DENND5B: variants seen among roughly 807,000 people sequenced by gnomAD.
DENND5B encodes DENN domain-containing protein 5B.
In DENND5B, 34 loss-of-function variants were observed where a neutral mutation model predicts 140.6. The observed-to-expected ratio is 0.24, with a 90% CI of 0.18 to 0.32. DENND5B has a LOEUF of 0.32. Among genes scored for constraint, DENND5B ranks in the 10% least tolerant of loss-of-function variants. The pLI is 1.00. For synonymous variants in DENND5B, 551 were observed against 562.1 expected, an observed-to-expected ratio of 0.98 and a Z score of 0.28; for missense variants, 1,142 against 1,560.2, an observed-to-expected ratio of 0.73 and a Z score of 4.52.
intron 8 of DENND5B, among the ~76,000 whole-genome samples, chr12:31,429,686 G>A (rs1253205500): frequency 6.6e-6 from 1 of 152,016 alleles, no homozygotes; most frequent in East Asian, 1.9e-4. Flanking sequence ...TGGGATTACA[G>A]GTGTAAGCCA....
chr12:31,478,022 T>C (rs929772836), intron 3 of DENND5B: 1 of 165,902 alleles, frequency 6.0e-6, no homozygotes, highest in African/African-American at 2.4e-5. Context: ...AATGGATTTT[T>C]TTTTTATCTA....
chr12:31,394,676 C>A (rs1210923124), intron 17 of DENND5B, among the ~76,000 whole-genome samples: 1 of 148,732 alleles, frequency 6.7e-6, no homozygotes, highest in Non-Finnish European at 1.5e-5. Flanking sequence ...TGCAGTGGAG[C>A]GATCTCAGGT....
At chr12:31,577,989 G>T (rs1445159560) in intron 1 of DENND5B, among the ~76,000 whole-genome samples, 2 of 151,934 alleles carry the variant, frequency 1.3e-5, no homozygotes, top group African/African-American at 4.8e-5. Flanking sequence ...GCCAGGCGTG[G>T]TAGCACACAC....
chr12:31,578,126 CAAAAAAAAA>C (rs5797421), intron 1 of DENND5B, among the ~76,000 whole-genome samples: 1 of 77,354 alleles, frequency 1.3e-5, no homozygotes, highest in Admixed American at 1.7e-4. Context: ...GACGCTGTCT[CAAAAAAAAA>C]AAAAAAAAAA....
chr12:31,435,548 G>A (rs567221686), intron 7 of DENND5B, among the ~76,000 whole-genome samples: 2 of 152,150 alleles, frequency 1.3e-5, no homozygotes, highest in African/African-American at 4.8e-5. Context: ...TCACACCTCT[G>A]ATGTAAAAAT....
rs926443689 is a variant in DENND5B, at chr12:31,541,093, A to G, written c.128-45174T>C. 2.1e-4 allele frequency: 92 copies of G among 432,710 alleles called. 1 individual carries two copies. Among genetic ancestry groups the G allele is most frequent in the African/African-American group, 1.8e-3 (87 of 48,292 alleles). The allele number at this position is 432,710 out of a possible 1,614,324, so 26.8% of individuals were successfully genotyped here. On this transcript the variant is annotated intron_variant, in intron 1 of 20. Coordinates refer to ENST00000389082, the MANE Select transcript of DENND5B (RefSeq NM_144973.4). ...TAAAAACTTAAATTTAAGACCTCAAACTATGAAACTACTAAAAGAAAACAT... is the reference window on the plus strand; with the variant it reads ...TAAAAACTTAAATTTAAGACCTCAAGCTATGAAACTACTAAAAGAAAACAT...
intron 3 of DENND5B, among the ~76,000 whole-genome samples, chr12:31,475,851 C>T (rs1945782240): frequency 1.3e-5 from 2 of 152,096 alleles, no homozygotes; most frequent in South Asian, 2.1e-4. Flanking sequence ...GGGCCGGGTG[C>T]GGTGGCTTAC....
intron 2 of DENND5B, among the ~76,000 whole-genome samples, chr12:31,494,358 CACA>C (rs1164394988): frequency 1.3e-5 from 2 of 151,954 alleles, no homozygotes; most frequent in Admixed American, 6.6e-5. Context: ...CTTATAGATG[CACA>C]ACATCATGCA....
At chr12:31,466,490 C>T (rs1018694512) in intron 3 of DENND5B, among the ~76,000 whole-genome samples, 3 of 151,940 alleles carry the variant, frequency 2.0e-5, no homozygotes, top group South Asian at 2.1e-4. Flanking sequence ...GTTAGGAGTT[C>T]GAGACCAGCC....
Position 31,591,011 on chromosome 12 carries a change from G to T in DENND5B, c.-179C>A. The T allele has an allele frequency of 1.6e-6, 1 of 618,880 alleles. No homozygotes were observed. Among genetic ancestry groups the T allele is most frequent in the Non-Finnish European group, 2.0e-6 (1 of 492,244 alleles). 38.3% of individuals were successfully genotyped at this position (618,880 alleles called of 1,614,324 possible). A position where few individuals can be genotyped will look rare whatever the true frequency, so the allele number is the denominator to read the frequency against. On this transcript the variant is annotated 5_prime_UTR_variant, in exon 1 of 21. Transcript: ENST00000389082. ...TGCCTCCTCGCTCGGCGCGGGGGAA[G>T]CGGCCGCGGGCTCGCGCGCGGCGGG...
intron 2 of DENND5B, among the ~76,000 whole-genome samples, chr12:31,489,330 T>A: frequency 6.9e-6 from 1 of 144,132 alleles, no homozygotes; most frequent in East Asian, 2.4e-4. Context: ...TTTTGTCCCA[T>A]GTTTTGCATT....
chr12:31,574,769 C>T lies in DENND5B; in HGVS notation c.127+15937G>A, dbSNP rs368211819. On this transcript the variant is annotated intron_variant, in intron 1 of 20. Transcript: ENST00000389082. ...TGATTTACAAGTGGTTCACTGTAAA[C>T]GGGTCCTGTCAGTCCTTCACTATGA... 3.3e-5 allele frequency among the ~76,000 whole-genome samples: 5 copies of T among 152,278 alleles called. 1 individual carries two copies. The highest frequency in any genetic ancestry group is 1.2e-4 in the African/African-American group (5 of 41,566).
At chr12:31,555,825 C>T (rs189240528) in intron 1 of DENND5B, among the ~76,000 whole-genome samples, 10 of 152,266 alleles carry the variant, frequency 6.6e-5, no homozygotes, top group Admixed American at 4.6e-4. Flanking sequence ...TAGCAATGAG[C>T]GAGACTCCCT....
chr12:31,561,633 A>T (rs1949478242), intron 1 of DENND5B, among the ~76,000 whole-genome samples: 1 of 152,220 alleles, frequency 6.6e-6, no homozygotes, highest in Admixed American at 6.5e-5. Context: ...GAGGACTCCT[A>T]AAACTCAAAC....
Position 31,387,528 on chromosome 12 carries a change from T to C in DENND5B, c.*75A>G, listed in dbSNP as rs1042992705. 3 of 1,510,666 alleles carry C rather than the reference T, an allele frequency of 2.0e-6. No individual in the cohort carries two copies. In the African/African-American group the frequency reaches 4.1e-5, roughly 21 times the overall value. The allele number at this position is 1,510,666 out of a possible 1,614,324, so 93.6% of individuals were successfully genotyped here. A position where few individuals can be genotyped will look rare whatever the true frequency, so the allele number is the denominator to read the frequency against. ...GGCTGCCCCTGCAGTGACTCACTAC[T>C]GTCAGACAAGTCCAAATCGGTCCCC... On this transcript the variant is annotated 3_prime_UTR_variant, in exon 21 of 21. Coordinates refer to ENST00000389082, the MANE Select transcript of DENND5B (RefSeq NM_144973.4).
intron 1 of DENND5B, among the ~76,000 whole-genome samples, chr12:31,526,071 C>T (rs192249690): frequency 1.3e-5 from 2 of 152,260 alleles, no homozygotes; most frequent in African/African-American, 4.8e-5. Flanking sequence ...TCTCACCTCA[C>T]CCAGTTAACA....
intron 1 of DENND5B, among the ~76,000 whole-genome samples, chr12:31,552,722 T>C (rs533501274): frequency 7.0e-4 from 106 of 152,308 alleles, no homozygotes; most frequent in South Asian, 4.8e-3. Flanking sequence ...TAGTAAGCTA[T>C]TGATTATTGC....
intron 1 of DENND5B, among the ~76,000 whole-genome samples, chr12:31,557,650 A>C (rs1341291968): frequency 1.3e-5 from 2 of 152,146 alleles, no homozygotes; most frequent in African/African-American, 2.4e-5. Flanking sequence ...TCAAGGCATA[A>C]GGTGAATAGG....
intron 1 of DENND5B, among the ~76,000 whole-genome samples, chr12:31,521,619 T>C (rs12371432): frequency 0.41 from 61,894 of 152,062 alleles, 13,121 homozygotes; most frequent in East Asian, 0.57. Context: ...TGGGTTTTTT[T>C]AGTGGCTTTT....
Sources: allele counts gnomAD v4.1 joint callset (sites outside exome capture counted in the v4.1 genomes callset), GRCh38; gene constraint gnomAD v4.1.1; transcripts MANE v1.5; gene names NCBI Gene and HGNC (gene_info 2026-07-23, HGNC 2026-07-21).